KIAA1217: variants seen among roughly 807,000 people sequenced by gnomAD.
KIAA1217 encodes KIAA1217.
KIAA1217 carries 88 observed loss-of-function variants against 163.9 expected under a neutral mutation model. That is an observed-to-expected ratio of 0.54 (90% CI 0.45 to 0.64). The LOEUF (loss-of-function observed/expected upper bound fraction) is 0.64, where lower values mean the gene tolerates loss of function less well. KIAA1217 is among the 30% of genes least tolerant of loss of function. The probability of loss-of-function intolerance (pLI) is 0.00; values close to 1 mark genes in which losing one functional copy is unlikely to be tolerated. For synonymous variants in KIAA1217, 903 were observed against 923.1 expected (o/e 0.98, Z 0.39); for missense variants, 2,372 against 2,475.0 (o/e 0.96, Z 0.88).
chr10:24,420,589 A>G (rs1209090921), intron 3 of KIAA1217, among the ~76,000 whole-genome samples: 1 of 152,188 alleles, frequency 6.6e-6, no homozygotes, highest in Non-Finnish European at 1.5e-5. Flanking sequence ...TCCCTGTACC[A>G]ATACACTGGG....
At chr10:24,453,131 A>C (rs1333308678) in intron 5 of KIAA1217, among the ~76,000 whole-genome samples, 2 of 152,212 alleles carry the variant, frequency 1.3e-5, no homozygotes, top group Non-Finnish European at 2.9e-5. Flanking sequence ...GCTGGATCTC[A>C]AGTCACCGTT....
chr10:24,458,086 G>A (rs1423875471), intron 5 of KIAA1217, among the ~76,000 whole-genome samples: 3 of 152,240 alleles, frequency 2.0e-5, no homozygotes, highest in Non-Finnish European at 2.9e-5. Context: ...TCCTTCAGCT[G>A]TTGGTGCAGC....
chr10:24,445,284 T>A (rs567664723), intron 5 of KIAA1217, among the ~76,000 whole-genome samples: 13 of 152,250 alleles, frequency 8.5e-5, no homozygotes, highest in African/African-American at 3.1e-4. Flanking sequence ...CCTCCCTTCC[T>A]TGATATTTCC....
intron 2 of KIAA1217, among the ~76,000 whole-genome samples, chr10:24,347,404 G>A (rs2047923778): frequency 6.6e-6 from 1 of 152,038 alleles, no homozygotes; most frequent in Admixed American, 6.6e-5. Context: ...ACATCCTCTT[G>A]TCCTGGAGTA....
chr10:23,714,040 C>T (rs566535145), intron 1 of KIAA1217, among the ~76,000 whole-genome samples: 1 of 152,186 alleles, frequency 6.6e-6, no homozygotes, highest in African/African-American at 2.4e-5. Context: ...AACTTCTCTG[C>T]CTTCTATATT....
At chr10:24,115,672 G>C (rs1426589093) in intron 2 of KIAA1217, among the ~76,000 whole-genome samples, 1 of 152,176 alleles carries the variant, frequency 6.6e-6, no homozygotes, top group East Asian at 1.9e-4. Context: ...GCAGCTTCCT[G>C]CTCCTTGTTT....
At chr10:23,744,973 A>G (rs910060569) in intron 1 of KIAA1217, among the ~76,000 whole-genome samples, 1 of 152,218 alleles carries the variant, frequency 6.6e-6, no homozygotes, top group Non-Finnish European at 1.5e-5. Flanking sequence ...GCTGTATTCA[A>G]AGTTCACTGA....
intron 1 of KIAA1217, among the ~76,000 whole-genome samples, chr10:23,704,361 A>G (rs964813563): frequency 4.2e-4 from 63 of 151,288 alleles, no homozygotes; most frequent in African/African-American, 1.5e-3. Context: ...TTAAAAACAA[A>G]TTTATAAGGT....
chr10:24,232,924 C>G (rs1490158497), intron 2 of KIAA1217, among the ~76,000 whole-genome samples: 8 of 87,296 alleles, frequency 9.2e-5, no homozygotes, highest in Non-Finnish European at 1.5e-4. Flanking sequence ...CATGGTAAAA[C>G]CTTATCTCTA....
At chr10:24,331,875 C>T (rs1591030911) in intron 2 of KIAA1217, among the ~76,000 whole-genome samples, 1 of 152,320 alleles carries the variant, frequency 6.6e-6, no homozygotes, top group East Asian at 1.9e-4. Flanking sequence ...TCTCAGCTCA[C>T]TGTAACCTCT....
At chr10:24,325,306 G>T (rs551048187) in intron 2 of KIAA1217, among the ~76,000 whole-genome samples, 2 of 152,326 alleles carry the variant, frequency 1.3e-5, no homozygotes, top group Admixed American at 6.5e-5. Flanking sequence ...CAAGCAGGCT[G>T]CAGCAGTTCA....
chr10:24,293,188 A>G (rs1489508787), intron 2 of KIAA1217, among the ~76,000 whole-genome samples: 2 of 152,104 alleles, frequency 1.3e-5, no homozygotes, highest in African/African-American at 4.8e-5. Flanking sequence ...GATTATAGGC[A>G]TGTGCCACCA....
chr10:24,227,307 G>A (rs781221403), intron 2 of KIAA1217, among the ~76,000 whole-genome samples: 19 of 150,916 alleles, frequency 1.3e-4, no homozygotes, highest in Non-Finnish European at 2.4e-4. Context: ...ACAGGGGTCC[G>A]CCACCACACC....
intron 1 of KIAA1217, among the ~76,000 whole-genome samples, chr10:23,894,857 C>A (rs1483925733): frequency 6.6e-6 from 1 of 151,812 alleles, no homozygotes; most frequent in Non-Finnish European, 1.5e-5. Flanking sequence ...ACTATCTGAT[C>A]TTTGACAAAC....
At position 23,818,999 on chromosome 10, in the gene KIAA1217, A is replaced by T. The variant is rs1172830504; in HGVS notation, c.-321+123765A>T. The stretch of plus-strand genomic sequence containing the variant: ...AAAATGATTGTCATTATGCTGGTTC[A>T]TATTACTTTATTCATAGAAATTATA... On this transcript the variant is annotated intron_variant, in intron 1 of 18. Transcript: ENST00000376462. 2.0e-5 allele frequency among the ~76,000 whole-genome samples: 3 copies of T among 152,190 alleles called. No homozygotes were observed. In the South Asian group the frequency reaches 6.2e-4, roughly 32 times the overall value.
rs567235966 is a variant in KIAA1217 at position 24,084,703 on chromosome 10, C to T, written c.-171+77329C>T. 2.0e-5 allele frequency among the ~76,000 whole-genome samples: 3 copies of T among 152,050 alleles called. No individual in the cohort carries two copies. The South Asian group carries it at 6.2e-4, about 32-fold the overall frequency. Reference sequence around the variant, plus strand: ...TGGCAATGAACTGAGGGAACATTTCCAAAGGGAGGAAGTGATCCAAGGTGT... The same window carrying T: ...TGGCAATGAACTGAGGGAACATTTCTAAAGGGAGGAAGTGATCCAAGGTGT... On this transcript the variant is annotated intron_variant, in intron 2 of 18. Coordinates refer to the KIAA1217 transcript ENST00000376462.
At chr10:23,800,734 T>C (rs1199716773) in intron 1 of KIAA1217, among the ~76,000 whole-genome samples, 1 of 152,154 alleles carries the variant, frequency 6.6e-6, no homozygotes, top group Non-Finnish European at 1.5e-5. Flanking sequence ...AACCTTATTA[T>C]CACTGGTTAT....
At chr10:24,293,454 C>T (rs1347480428) in intron 2 of KIAA1217, among the ~76,000 whole-genome samples, 1 of 152,228 alleles carries the variant, frequency 6.6e-6, no homozygotes, top group East Asian at 1.9e-4. Flanking sequence ...CCGGCCCTTC[C>T]ACTCTAGAGG....
chr10:24,069,658 C>T (rs2061108072), intron 2 of KIAA1217, among the ~76,000 whole-genome samples: 1 of 152,164 alleles, frequency 6.6e-6, no homozygotes, highest in South Asian at 2.1e-4. Flanking sequence ...GCTGGTTTTA[C>T]ACTTCCAAAG....
Sources: allele counts gnomAD v4.1 joint callset (sites outside exome capture counted in the v4.1 genomes callset), GRCh38; gene constraint gnomAD v4.1.1; transcripts MANE v1.5; gene names NCBI Gene and HGNC (gene_info 2026-07-23, HGNC 2026-07-21).